Variants in IL23R observed in about 807,000 individuals in gnomAD.
IL23R encodes interleukin 23 receptor.
A neutral mutation model predicts 56.9 loss-of-function variants in IL23R; 34 were observed. That is an observed-to-expected ratio of 0.60 (90% CI 0.45 to 0.80). The LOEUF (loss-of-function observed/expected upper bound fraction) is 0.80, where lower values mean the gene tolerates loss of function less well. Among genes scored for constraint, IL23R ranks in the 30% least tolerant of loss-of-function variants. The pLI is 0.00. For synonymous variants in IL23R, 230 were observed against 249.2 expected (o/e 0.92, Z 0.73); for missense variants, 635 against 730.0 (o/e 0.87, Z 1.50).
At chr1:67,141,716 C>T (rs1275346997) in intron 1 of IL23R, among the ~76,000 whole-genome samples, 2 of 152,154 alleles carry the variant, frequency 1.3e-5, no homozygotes, top group African/African-American at 4.8e-5. Context: ...TGAGATCACG[C>T]CACTGCACAC....
In IL23R at chr1:67,258,834, T is replaced by A. The variant is rs1400483678; in HGVS notation, c.1596T>A (p.Phe532Leu). The change falls in exon 11 of 11, where the codon TTT (phenylalanine) becomes TTA (leucine). Residue 532 changes from phenylalanine to leucine, a missense_variant. Coordinates refer to ENST00000347310, the MANE Select transcript of IL23R (RefSeq NM_144701.3). ...TACAAAAGCATCCTAATTTTGCTTT[T>A]TCTGTTTCAAGTGTGAATTCACTAA... Reference protein sequence around the residue: ...PRLQKHPNFAFSVSSVNSLSN... With the variant: ...PRLQKHPNFALSVSSVNSLSN... 2.5e-6 allele frequency: 4 copies of A among 1,612,866 alleles called. No individual in the cohort carries two copies. Among genetic ancestry groups the A allele is most frequent in the Non-Finnish European group, 3.4e-6 (4 of 1,179,072 alleles).
chr1:67,178,455 TG>T (rs1647042505), intron 3 of IL23R, among the ~76,000 whole-genome samples: 2 of 152,238 alleles, frequency 1.3e-5, no homozygotes. Flanking sequence ...TTGTGATTTT[TG>T]CACATTGATT....
Position 67,220,102 on chromosome 1 carries a change from C to G in IL23R, c.955+372C>G, listed in dbSNP as rs564870447. 4.6e-5 allele frequency among the ~76,000 whole-genome samples: 7 copies of G among 152,190 alleles called. No individual in the cohort carries two copies. The South Asian group carries it at 1.5e-3, about 32-fold the overall frequency. On this transcript the variant is annotated intron_variant, in intron 7 of 10. Coordinates refer to ENST00000347310, the MANE Select transcript of IL23R (RefSeq NM_144701.3). ...AGTTTAAAACAGCCAGGTGCAGTGGCTTATGTCTGTAATCCCAGCACTTTG... is the reference window on the plus strand; with the variant it reads ...AGTTTAAAACAGCCAGGTGCAGTGGGTTATGTCTGTAATCCCAGCACTTTG...
chr1:67,256,464 C>A (rs542475006), intron 10 of IL23R, among the ~76,000 whole-genome samples: 1 of 152,178 alleles, frequency 6.6e-6, no homozygotes, highest in Non-Finnish European at 1.5e-5. Context: ...CACCAGGAAG[C>A]CCCTGAGGGT....
chr1:67,138,643 A>G (rs1646605964), upstream of IL23R, among the ~76,000 whole-genome samples: 1 of 152,128 alleles, frequency 6.6e-6, no homozygotes, highest in Non-Finnish European at 1.5e-5. Flanking sequence ...AGCCCATTCT[A>G]TGTTGAACTG....
intron 1 of IL23R, among the ~76,000 whole-genome samples, chr1:67,148,521 T>C (rs1646702060): frequency 1.3e-5 from 2 of 152,230 alleles, no homozygotes; most frequent in African/African-American, 4.8e-5. Flanking sequence ...GGGTCAGGTG[T>C]GAGCTGAGTT....
At chr1:67,211,111 A>G (rs1195577113) in intron 6 of IL23R, among the ~76,000 whole-genome samples, 1 of 152,192 alleles carries the variant, frequency 6.6e-6, no homozygotes, top group South Asian at 2.1e-4. Context: ...GGTTGTTTGC[A>G]TACACTTAAA....
At position 67,207,014 on chromosome 1, in the gene IL23R, T is replaced by C. The variant is rs1649117978; in HGVS notation, c.757T>C (p.Cys253Arg). ...TCAAACAACAATTGAAAAGGTTTCC[T>C]GTGAAATGAGATACAAGGCTACAAC... ...DSQTTIEKVS[C>R]EMRYKATTNQ... The change falls in exon 6 of 11, where the codon TGT (cysteine) becomes CGT (arginine). Residue 253 changes from cysteine (C) to arginine (R), a missense_variant. Physicochemically the swap from Cys to Arg is radical, Grantham distance 180. Coordinates refer to ENST00000347310, the MANE Select transcript of IL23R (RefSeq NM_144701.3). 1 of 1,613,340 alleles carries C rather than the reference T, an allele frequency of 6.2e-7. No homozygotes were observed.
chr1:67,186,782 C>A (rs1360935237), intron 4 of IL23R, among the ~76,000 whole-genome samples: 3 of 152,032 alleles, frequency 2.0e-5, no homozygotes, highest in Non-Finnish European at 4.4e-5. Flanking sequence ...CCACGCCCAG[C>A]TGATTTTTTT....
At chr1:67,251,465 A>AT (rs72502662) in intron 9 of IL23R, among the ~76,000 whole-genome samples, 1 of 151,680 alleles carries the variant, frequency 6.6e-6, no homozygotes, top group Non-Finnish European at 1.5e-5. Flanking sequence ...AAAAAAAAAA[A>AT]AGGAAAAGAC....
At chr1:67,252,386 T>C (rs937248947) in intron 9 of IL23R, among the ~76,000 whole-genome samples, 6 of 152,200 alleles carry the variant, frequency 3.9e-5, no homozygotes, top group Non-Finnish European at 7.4e-5. Flanking sequence ...AGGCCTCTAA[T>C]TGGATCCTAG....
At chr1:67,154,980 G>A (rs901307838) in intron 1 of IL23R, among the ~76,000 whole-genome samples, 3 of 152,072 alleles carry the variant, frequency 2.0e-5, no homozygotes, top group African/African-American at 4.8e-5. Flanking sequence ...TGTAAGACAG[G>A]CCTGGTGTTA....
intron 7 of IL23R, among the ~76,000 whole-genome samples, chr1:67,220,406 G>A (rs935894096): frequency 3.3e-5 from 5 of 151,692 alleles, no homozygotes; most frequent in Non-Finnish European, 5.9e-5. Context: ...TAATAAATAA[G>A]TTAAAAACAA....
intron 9 of IL23R, among the ~76,000 whole-genome samples, chr1:67,249,936 A>G (rs1321773659): frequency 6.6e-6 from 1 of 152,210 alleles, no homozygotes; most frequent in Admixed American, 6.5e-5. Context: ...ATTTTAATTT[A>G]TAGAAAAACT....
At chr1:67,212,545 T>TC (rs940321633) in intron 6 of IL23R, among the ~76,000 whole-genome samples, 14 of 149,780 alleles carry the variant, frequency 9.3e-5, no homozygotes, top group Non-Finnish European at 1.9e-4. Flanking sequence ...CATGCAATCT[T>TC]TTTTTTTTTT....
At chr1:67,248,262 G>T (rs1652374539) in intron 9 of IL23R, among the ~76,000 whole-genome samples, 2 of 152,154 alleles carry the variant, frequency 1.3e-5, no homozygotes, top group Admixed American at 1.3e-4. Context: ...TTCAAACATA[G>T]ATTTGGTCTT....
chr1:67,224,930 A>T (rs961617247), intron 7 of IL23R, among the ~76,000 whole-genome samples: 2 of 152,220 alleles, frequency 1.3e-5, no homozygotes, highest in Non-Finnish European at 2.9e-5. Flanking sequence ...GCTCTATAAA[A>T]GGAGTGTAAT....
At chr1:67,178,901 T>C (rs1181077528) in intron 3 of IL23R, among the ~76,000 whole-genome samples, 1 of 152,236 alleles carries the variant, frequency 6.6e-6, no homozygotes, top group African/African-American at 2.4e-5. Context: ...TTGGTTCTGT[T>C]GATATGCTGG....
At chr1:67,241,413 TTTTGG>T (rs1210426099) in intron 9 of IL23R, among the ~76,000 whole-genome samples, 1 of 152,216 alleles carries the variant, frequency 6.6e-6, no homozygotes, top group Non-Finnish European at 1.5e-5. Context: ...AACAACTCCA[TTTTGG>T]TTTGGTTTGG....
Sources: allele counts gnomAD v4.1 joint callset (sites outside exome capture counted in the v4.1 genomes callset), GRCh38; gene constraint gnomAD v4.1.1; transcripts MANE v1.5; gene names NCBI Gene and HGNC (gene_info 2026-07-23, HGNC 2026-07-21).